Variants in ADAMTS3 observed in about 807,000 individuals in gnomAD.
ADAMTS3 encodes ADAM metallopeptidase with thrombospondin type 1 motif 3, also known as A disintegrin and metalloproteinase with thrombospondin motifs 3.
ADAMTS3 carries 73 observed loss-of-function variants against 129.0 expected under a neutral mutation model. The observed-to-expected ratio is 0.57, with a 90% CI of 0.47 to 0.69. ADAMTS3 has a LOEUF of 0.69. Ranked by LOEUF, ADAMTS3 falls within the 30% of genes least tolerant of loss-of-function variation. The pLI is 0.00. For missense variants in ADAMTS3, 1,457 were observed against 1,514.5 expected, an observed-to-expected ratio of 0.96 and a Z score of 0.63; for synonymous variants, 477 against 510.8, an observed-to-expected ratio of 0.93 and a Z score of 0.89.
chr4:72,294,410 G>A (rs937155296), intron 19 of ADAMTS3, among the ~76,000 whole-genome samples: 1 of 152,010 alleles, frequency 6.6e-6, no homozygotes, highest in African/African-American at 2.4e-5. Flanking sequence ...TAATAATTAT[G>A]AAACTGATAT....
intron 4 of ADAMTS3, among the ~76,000 whole-genome samples, chr4:72,350,242 A>G (rs1269318090): frequency 6.6e-6 from 1 of 152,090 alleles, no homozygotes; most frequent in Non-Finnish European, 1.5e-5. Context: ...ACATTTTACT[A>G]CATAACTGTG....
intron 3 of ADAMTS3, among the ~76,000 whole-genome samples, chr4:72,525,527 G>T (rs1363108011): frequency 6.6e-6 from 1 of 152,118 alleles, no homozygotes; most frequent in Non-Finnish European, 1.5e-5. Context: ...AGGAATACAT[G>T]TGCTCACCTT....
rs1276343517 is a variant in ADAMTS3, at chr4:72,288,774, G to A, written c.3026C>T (p.Ala1009Val). ...ACCATTACAAGGAGGCAGTTGACAG[G>A]CTCTGACCGACTCAGGCTTTTCACC... The part of the protein sequence containing the change: ...CDGEKPESVR[A>V]CQLPPCNDEP... The change falls in exon 21 of 22, where the codon GCC becomes GTC. Residue 1009 changes from alanine (A) to valine (V), a missense_variant. Ala to Val is a moderately conservative substitution (Grantham distance 64). Transcript: ENST00000286657. 3.1e-6 allele frequency: 5 copies of A among 1,613,432 alleles called. No homozygotes were observed. The highest frequency in any genetic ancestry group is 4.2e-6 in the Non-Finnish European group (5 of 1,179,486).
intron 3 of ADAMTS3, among the ~76,000 whole-genome samples, chr4:72,512,248 G>A (rs1446539484): frequency 6.6e-6 from 1 of 152,116 alleles, no homozygotes; most frequent in Non-Finnish European, 1.5e-5. Flanking sequence ...GGCCGCGGTG[G>A]ACAGATCTTG....
At chr4:72,515,376 G>C (rs972465301) in intron 3 of ADAMTS3, among the ~76,000 whole-genome samples, 1 of 151,704 alleles carries the variant, frequency 6.6e-6, no homozygotes, top group Non-Finnish European at 1.5e-5. Context: ...GGGTCAAATG[G>C]TATTTCTAGT....
intron 3 of ADAMTS3, among the ~76,000 whole-genome samples, chr4:72,445,026 T>G (rs1470184033): frequency 6.6e-6 from 1 of 151,500 alleles, no homozygotes; most frequent in Admixed American, 6.6e-5. Context: ...GATCAGTGGT[T>G]TCTGAAAGGA....
chr4:72,476,048 C>CCCT (rs1439123881), intron 3 of ADAMTS3, among the ~76,000 whole-genome samples: 1 of 151,694 alleles, frequency 6.6e-6, no homozygotes, highest in African/African-American at 2.4e-5. Context: ...TAAGCTAAGC[C>CCCT]CCTACCTGAA....
intron 3 of ADAMTS3, among the ~76,000 whole-genome samples, chr4:72,439,453 T>C (rs1253939231): frequency 2.0e-5 from 3 of 151,750 alleles, no homozygotes; most frequent in Non-Finnish European, 4.4e-5. Context: ...CTTAGTCAAA[T>C]AATAGTCATC....
chr4:72,490,190 C>T (rs1719703302), intron 3 of ADAMTS3, among the ~76,000 whole-genome samples: 1 of 151,860 alleles, frequency 6.6e-6, no homozygotes, highest in South Asian at 2.1e-4. Context: ...GATCTTTGCC[C>T]ATTTTTCAAA....
Position 72,305,856 on chromosome 4 carries a change from G to A in ADAMTS3, c.2260+131C>T, listed in dbSNP as rs570334398. The A allele has an allele frequency of 5.2e-5, 39 of 756,986 alleles. No homozygotes were observed. The African/African-American group carries it at 5.4e-4, about 10-fold the overall frequency. 46.9% of individuals were successfully genotyped at this position (756,986 alleles called of 1,614,324 possible). ...CGTATGCACATGTACGTACATATACGTATGCACATGTATGTACATATACGT... is the reference window on the plus strand; with the variant it reads ...CGTATGCACATGTACGTACATATACATATGCACATGTATGTACATATACGT... On this transcript the variant is annotated intron_variant, in intron 16 of 21. Transcript: ENST00000286657.
intron 4 of ADAMTS3, among the ~76,000 whole-genome samples, chr4:72,387,828 G>T (rs1721486215): frequency 6.6e-6 from 1 of 151,848 alleles, no homozygotes; most frequent in South Asian, 2.1e-4. Context: ...CTCAAAGAAT[G>T]CTATTTATTG....
At chr4:72,466,982 T>C (rs1718938484) in intron 3 of ADAMTS3, among the ~76,000 whole-genome samples, 1 of 152,216 alleles carries the variant, frequency 6.6e-6, no homozygotes. Flanking sequence ...TAATTAAATA[T>C]GTCACATTTA....
intron 4 of ADAMTS3, among the ~76,000 whole-genome samples, chr4:72,412,203 C>T (rs989126367): frequency 6.6e-6 from 1 of 151,936 alleles, no homozygotes; most frequent in Non-Finnish European, 1.5e-5. Flanking sequence ...ACATTTCATT[C>T]CATGTAAGGC....
intron 3 of ADAMTS3, among the ~76,000 whole-genome samples, chr4:72,475,021 C>T (rs10938022): frequency 0.62 from 91,006 of 147,808 alleles, 28,813 homozygotes; most frequent in South Asian, 0.79. Flanking sequence ...AGCGAGACTC[C>T]GTCTAAAAAA....
chr4:72,494,144 TTA>T (rs1191682893), intron 3 of ADAMTS3, among the ~76,000 whole-genome samples: 2 of 152,168 alleles, frequency 1.3e-5, no homozygotes, highest in African/African-American at 4.8e-5. Flanking sequence ...TTTTCAGATA[TTA>T]ATTCTTTAAA....
chr4:72,480,685 T>TA (rs1719409520), intron 3 of ADAMTS3, among the ~76,000 whole-genome samples: 3 of 147,476 alleles, frequency 2.0e-5, no homozygotes, highest in Admixed American at 2.0e-4. Flanking sequence ...CCCTAAAACT[T>TA]AAAGTATAAT....
At chr4:72,474,207 T>A (rs1235118307) in intron 3 of ADAMTS3, among the ~76,000 whole-genome samples, 1 of 151,876 alleles carries the variant, frequency 6.6e-6, no homozygotes, top group Non-Finnish European at 1.5e-5. Flanking sequence ...TCAAACTAAA[T>A]GAAAAAAGAC....
intron 5 of ADAMTS3, among the ~76,000 whole-genome samples, chr4:72,327,789 A>G (rs1017468872): frequency 8.5e-5 from 13 of 152,338 alleles, no homozygotes; most frequent in African/African-American, 2.9e-4. Flanking sequence ...GTGTGGAAAC[A>G]TATTGAGAAA....
At chr4:72,447,441 C>T (rs1346667530) in intron 3 of ADAMTS3, among the ~76,000 whole-genome samples, 1 of 151,710 alleles carries the variant, frequency 6.6e-6, no homozygotes, top group East Asian at 2.0e-4. Context: ...ATTTATTTCA[C>T]TCTCTGAACA....
Sources: gnomAD v4.1 joint callset for allele counts (sites outside exome capture counted in the v4.1 genomes callset) on GRCh38, gnomAD v4.1.1 for gene constraint, MANE v1.5 for transcripts, NCBI Gene and HGNC (gene_info 2026-07-23, HGNC 2026-07-21) for gene names.